The following DOCK5 variants were observed in gnomAD, a reference collection of about 807,000 sequenced individuals.
DOCK5 encodes the protein dedicator of cytokinesis 5.
In DOCK5, 142 loss-of-function variants were observed where a neutral mutation model predicts 251.8. That is an observed-to-expected ratio of 0.56 (90% confidence interval 0.49 to 0.65). DOCK5 has a LOEUF of 0.65. Among genes scored for constraint, DOCK5 ranks in the 30% least tolerant of loss-of-function variants. The pLI, the probability that DOCK5 is intolerant of heterozygous loss-of-function variation, is 0.00. For missense variants in DOCK5, 2,111 were observed against 2,312.3 expected (o/e 0.91, Z 1.79); for synonymous variants, 842 against 835.5 (o/e 1.01, Z -0.13).
At chr8:25,303,554 T>C (rs969046988) in intron 10 of DOCK5, among the ~76,000 whole-genome samples, 1 of 152,212 alleles carries the variant, frequency 6.6e-6, no homozygotes, top group African/African-American at 2.4e-5. Context: ...GGCCTTACAT[T>C]GACATTTTGG....
At position 25,299,124 on chromosome 8, in the gene DOCK5, G is replaced by A. The variant is rs202241176; in HGVS notation, c.764+23G>A. On this transcript the variant is annotated intron_variant, in intron 8 of 51. Transcript: ENST00000276440. Reference sequence around the variant, plus strand: ...CAGGTAGCAGAGACCCACATCCCCTGCTGCTGACCTAACAAAGATACCCAG... The same window carrying A: ...CAGGTAGCAGAGACCCACATCCCCTACTGCTGACCTAACAAAGATACCCAG... 45 of 1,608,556 alleles carry A rather than the reference G, an allele frequency of 2.8e-5. No homozygotes were observed. In the African/African-American group the frequency reaches 5.3e-4, roughly 19 times the overall value.
At chr8:25,190,775 G>GATTTTTTTTTTTTTTTTTTTTTTTT (rs755511798) in intron 1 of DOCK5, among the ~76,000 whole-genome samples, 4 of 53,980 alleles carry the variant, frequency 7.4e-5, no homozygotes, top group South Asian at 6.7e-4. Flanking sequence ...CTTGGTCATG[G>GATTTTTTTTTTTTTTTTTTTTTTTT]GTTTTTTTTT....
chr8:25,282,134 T>C (rs147422723), intron 5 of DOCK5, among the ~76,000 whole-genome samples: 53 of 152,244 alleles, frequency 3.5e-4, no homozygotes, highest in African/African-American at 1.2e-3. Context: ...TTTGTTATTA[T>C]GGTTAGTGCA....
chr8:25,374,678 T>G, intron 37 of DOCK5, 24 bp downstream of exon 37: 1 of 1,613,822 alleles, frequency 6.2e-7, no homozygotes, highest in South Asian at 1.1e-5. Context: ...AGAGCTTGTT[T>G]CAACAGGGTG....
intron 40 of DOCK5, among the ~76,000 whole-genome samples, chr8:25,387,418 C>G (rs1214835287): frequency 6.6e-6 from 1 of 152,102 alleles, no homozygotes; most frequent in African/African-American, 2.4e-5. Flanking sequence ...TTTGAATCAG[C>G]GTCGACTCCC....
intron 18 of DOCK5, among the ~76,000 whole-genome samples, chr8:25,331,235 A>G (rs948847820): frequency 5.4e-4 from 67 of 124,338 alleles, no homozygotes; most frequent in Non-Finnish European, 1.0e-3. Context: ...TCTGTGACAC[A>G]CACACACACA....
chr8:25,288,137 C>T (rs1040243622), intron 5 of DOCK5, among the ~76,000 whole-genome samples: 2 of 152,110 alleles, frequency 1.3e-5, no homozygotes, highest in African/African-American at 2.4e-5. Flanking sequence ...CCACCTGCCT[C>T]GGCCTCCCAA....
chr8:25,302,722 C>A (rs1345632376), intron 10 of DOCK5, among the ~76,000 whole-genome samples: 1 of 152,184 alleles, frequency 6.6e-6, no homozygotes, highest in Non-Finnish European at 1.5e-5. Context: ...TGGAATAATA[C>A]TCGCCTTAAA....
At chr8:25,344,795 A>G (rs958447224) in intron 25 of DOCK5, among the ~76,000 whole-genome samples, 6 of 152,370 alleles carry the variant, frequency 3.9e-5, no homozygotes, top group Non-Finnish European at 7.3e-5. Flanking sequence ...CAGAAAAGGT[A>G]ATTGAGATAG....
At chr8:25,366,836 A>T (rs1426918523) in intron 30 of DOCK5, 34 bp from the exon 31 acceptor site, 1 of 1,557,516 alleles carries the variant, frequency 6.4e-7, no homozygotes, top group Admixed American at 1.7e-5. Context: ...GTTATTTTTC[A>T]TTTCCCTTTA....
At position 25,298,978 on chromosome 8, in the gene DOCK5, C is replaced by G. The variant is rs1804687329; in HGVS notation, c.641C>G (p.Ser214Cys). 3 of 1,613,424 alleles carry G rather than the reference C, an allele frequency of 1.9e-6. No individual in the cohort carries two copies. Among genetic ancestry groups the G allele is most frequent in the Middle Eastern group, 1.7e-4 (1 of 6,060 alleles). ...CAGAACCTCGATTTGCGGGGCCAGT[C>G]CATCTTCAGTACCATCCACACCTAT... Reference protein sequence around the residue: ...ILQNLDLRGQSIFSTIHTYGL... With the variant: ...ILQNLDLRGQCIFSTIHTYGL... The change falls in exon 8 of 52, where the codon TCC becomes TGC. Residue 214 changes from serine to cysteine, a missense_variant. Ser to Cys is a moderately radical substitution (Grantham distance 112). Around this residue, in one of 3 missense-constraint regions of DOCK5, gnomAD observed 335 missense variants for 324.9 expected, o/e 1.03. Coordinates refer to ENST00000276440, the MANE Select transcript of DOCK5 (RefSeq NM_024940.8).
At chr8:25,260,229 A>G (rs1320196974) in intron 2 of DOCK5, among the ~76,000 whole-genome samples, 2 of 152,170 alleles carry the variant, frequency 1.3e-5, no homozygotes, top group Non-Finnish European at 2.9e-5. Flanking sequence ...TACCTGGCCC[A>G]CAGGGGATGG....
At chr8:25,280,900 G>C (rs1293707712) in intron 5 of DOCK5, among the ~76,000 whole-genome samples, 1 of 151,818 alleles carries the variant, frequency 6.6e-6, no homozygotes, top group Non-Finnish European at 1.5e-5. Context: ...TACGTGGGTT[G>C]GTTCCTTAAC....
rs1461263680 is a variant in DOCK5, at chr8:25,414,882, C to G, written c.*3584C>G. On this transcript the variant is annotated 3_prime_UTR_variant, in exon 52 of 52. Coordinates refer to ENST00000276440, the MANE Select transcript of DOCK5 (RefSeq NM_024940.8). ...AAAGACTGTGCACCTTTTAACAAGT[C>G]AATTTGTAGTCAGTCCCTGGGCCTG... 1 of 136,856 alleles carries G rather than the reference C, an allele frequency of 7.3e-6. No individual in the cohort carries two copies. 8.5% of individuals were successfully genotyped at this position (136,856 alleles called of 1,614,324 possible). A position where few individuals can be genotyped will look rare whatever the true frequency, so the allele number is the denominator to read the frequency against.
Position 25,380,446 on chromosome 8 carries a change from C to T in DOCK5, c.4026+52C>T, listed in dbSNP as rs1470128625. 4.1e-6 allele frequency: 6 copies of T among 1,452,416 alleles called. No individual in the cohort carries two copies. In the African/African-American group the frequency reaches 5.6e-5, roughly 14 times the overall value. 90.0% of individuals were successfully genotyped at this position (1,452,416 alleles called of 1,614,324 possible). On this transcript the variant is annotated intron_variant, in intron 39 of 51. Coordinates refer to ENST00000276440, the MANE Select transcript of DOCK5 (RefSeq NM_024940.8). Reference sequence around the variant, plus strand: ...CCTCTGACAGGGTTGCTAAAATTAGCACTCATGAAAATGTTTCCGTAAGTT... The same window carrying T: ...CCTCTGACAGGGTTGCTAAAATTAGTACTCATGAAAATGTTTCCGTAAGTT...
At chr8:25,345,386 G>C in intron 25 of DOCK5, 89 bp from the exon 26 acceptor site, 5 of 1,555,104 alleles carry the variant, frequency 3.2e-6, no homozygotes, top group Non-Finnish European at 4.4e-6. Context: ...AGAGCTACTG[G>C]TACTGGTCGA....
At chr8:25,227,487 G>C (rs1056067817) in intron 1 of DOCK5, among the ~76,000 whole-genome samples, 7 of 151,738 alleles carry the variant, frequency 4.6e-5, no homozygotes, top group Non-Finnish European at 4.4e-5. Flanking sequence ...TGATTCCATT[G>C]ATTTATTTTT....
At chr8:25,273,084 T>C (rs112858785) in intron 3 of DOCK5, among the ~76,000 whole-genome samples, 8 of 152,038 alleles carry the variant, frequency 5.3e-5, no homozygotes, top group Non-Finnish European at 1.2e-4. Context: ...AGTGGCACAG[T>C]GGCACAGCGG....
At chr8:25,288,268 A>C (rs1013691416) in intron 5 of DOCK5, among the ~76,000 whole-genome samples, 1 of 152,178 alleles carries the variant, frequency 6.6e-6, no homozygotes, top group Non-Finnish European at 1.5e-5. Flanking sequence ...AGTGTCAGGG[A>C]CCAACTATTA....
Sources: allele counts gnomAD v4.1 joint callset (sites outside exome capture counted in the v4.1 genomes callset), GRCh38; gene constraint gnomAD v4.1.1; regional missense constraint gnomAD v4.1.1; transcripts MANE v1.5; gene names NCBI Gene and HGNC (gene_info 2026-07-23, HGNC 2026-07-21).